The following PRDM5 variants were observed in gnomAD, a reference collection of about 807,000 sequenced individuals.
The protein encoded by PRDM5 is PR domain zinc finger protein 5.
PRDM5 carries 56 observed loss-of-function variants against 81.2 expected under a neutral mutation model. The observed-to-expected ratio is 0.69, with a 90% CI of 0.56 to 0.86. The LOEUF (loss-of-function observed/expected upper bound fraction) is 0.86. Ranked by LOEUF, PRDM5 falls within the 40% of genes least tolerant of loss-of-function variation. PRDM5 has a pLI of 0.00. For synonymous variants in PRDM5, 267 were observed against 256.4 expected (o/e 1.04, Z -0.39); for missense variants, 697 against 770.1 (o/e 0.91, Z 1.12).
intron 14 of PRDM5, among the ~76,000 whole-genome samples, chr4:120,714,257 T>C (rs982769677): frequency 1.3e-5 from 2 of 152,188 alleles, no homozygotes; most frequent in Non-Finnish European, 2.9e-5. Flanking sequence ...ACTTTTCTCA[T>C]TTGTTGTTGA....
intron 1 of PRDM5, among the ~76,000 whole-genome samples, chr4:120,907,930 T>G (rs1209417293): frequency 2.0e-5 from 3 of 152,188 alleles, no homozygotes; most frequent in Non-Finnish European, 2.9e-5. Flanking sequence ...AGGCAGAAAA[T>G]CACCTGGTTT....
intron 14 of PRDM5, among the ~76,000 whole-genome samples, chr4:120,715,499 T>C (rs1024037937): frequency 1.3e-5 from 2 of 152,188 alleles, no homozygotes; most frequent in Non-Finnish European, 2.9e-5. Context: ...ACATAATGTC[T>C]TTTCACAACT....
chr4:120,911,997 G>A (rs1389370205), intron 1 of PRDM5, among the ~76,000 whole-genome samples: 2 of 152,138 alleles, frequency 1.3e-5, no homozygotes, highest in Non-Finnish European at 2.9e-5. Context: ...AGAAATTGAT[G>A]ATGAAAAGCT....
intron 13 of PRDM5, among the ~76,000 whole-genome samples, chr4:120,774,976 G>A (rs548610052): frequency 5.2e-4 from 78 of 148,834 alleles, no homozygotes; most frequent in African/African-American, 1.7e-3. Flanking sequence ...ATATGTGTGT[G>A]TATATGTATA....
At chr4:120,814,811 C>G (rs559607710) in intron 7 of PRDM5, among the ~76,000 whole-genome samples, 2 of 152,178 alleles carry the variant, frequency 1.3e-5, no homozygotes, top group African/African-American at 4.8e-5. Context: ...CATGTACCAA[C>G]CCCAGCAAAA....
chr4:120,827,477 A>G (rs2149361313), intron 3 of PRDM5, among the ~76,000 whole-genome samples: 1 of 152,234 alleles, frequency 6.6e-6, no homozygotes, highest in East Asian at 1.9e-4. Flanking sequence ...TTATGCATCA[A>G]ATTAATCATT....
chr4:120,817,232 C>G lies in PRDM5; in HGVS notation c.651-308G>C, dbSNP rs184886955. Reference sequence around the variant, plus strand: ...AATAGAATTTCTAAATATGTAGTATCCTGCTATTATAAAAGTTTTGATATT... The same window carrying G: ...AATAGAATTTCTAAATATGTAGTATGCTGCTATTATAAAAGTTTTGATATT... On this transcript the variant is annotated intron_variant, in intron 5 of 15. Transcript: ENST00000264808. Among the ~76,000 whole-genome samples, 3 of 152,162 alleles carry G rather than the reference C, an allele frequency of 2.0e-5. No individual in the cohort carries two copies. In the East Asian group the frequency reaches 5.8e-4, roughly 29 times the overall value.
At chr4:120,770,781 GCA>G (rs1372173367) in intron 13 of PRDM5, among the ~76,000 whole-genome samples, 1 of 151,876 alleles carries the variant, frequency 6.6e-6, no homozygotes, top group East Asian at 1.9e-4. Flanking sequence ...AAGTATTTTA[GCA>G]CAAATCTTAT....
At chr4:120,838,000 C>T (rs926217362) in intron 3 of PRDM5, 83 of 152,172 alleles carry the variant, frequency 5.5e-4, no homozygotes, top group African/African-American at 1.9e-3. Context: ...CATAGACACA[C>T]TAGTCAAATG....
At chr4:120,921,789 C>T (rs907196630) in intron 1 of PRDM5, among the ~76,000 whole-genome samples, 1 of 152,126 alleles carries the variant, frequency 6.6e-6, no homozygotes, top group Non-Finnish European at 1.5e-5. Flanking sequence ...CCTGTACGAA[C>T]TGAGCAATGT....
intron 14 of PRDM5, among the ~76,000 whole-genome samples, chr4:120,726,318 A>G (rs1412833238): frequency 6.6e-6 from 1 of 152,240 alleles, no homozygotes; most frequent in Admixed American, 6.5e-5. Context: ...TCCTTGTTTT[A>G]ATTATATCCA....
chr4:120,850,671 A>G (rs1331433482), intron 3 of PRDM5, among the ~76,000 whole-genome samples: 1 of 152,128 alleles, frequency 6.6e-6, no homozygotes, highest in Admixed American at 6.6e-5. Context: ...ATTATAATTC[A>G]AGAGTGAAAT....
At chr4:120,870,294 T>C (rs1262840346) in intron 2 of PRDM5, among the ~76,000 whole-genome samples, 5 of 152,226 alleles carry the variant, frequency 3.3e-5, no homozygotes, top group Non-Finnish European at 4.4e-5. Context: ...AGTCTTCTAT[T>C]ACTCCAAAAA....
At chr4:120,864,849 C>T (rs764477919) in intron 2 of PRDM5, among the ~76,000 whole-genome samples, 1 of 152,120 alleles carries the variant, frequency 6.6e-6, no homozygotes, top group South Asian at 2.1e-4. Context: ...CAGAAGAGCC[C>T]GTACATCCAT....
At chr4:120,875,545 C>T (rs1762258021) in intron 2 of PRDM5, among the ~76,000 whole-genome samples, 1 of 152,190 alleles carries the variant, frequency 6.6e-6, no homozygotes, top group African/African-American at 2.4e-5. Flanking sequence ...CTCTGAGGAC[C>T]AGGTCAAGTC....
At chr4:120,755,242 C>G (rs1744564179) in intron 13 of PRDM5, among the ~76,000 whole-genome samples, 2 of 152,102 alleles carry the variant, frequency 1.3e-5, no homozygotes, top group African/African-American at 4.8e-5. Flanking sequence ...AAATGTTTTT[C>G]AAGACAAGCA....
chr4:120,800,516 CA>C (rs34793587), intron 8 of PRDM5, among the ~76,000 whole-genome samples: 7,624 of 121,814 alleles, frequency 0.063, 279 homozygotes, highest in Middle Eastern at 0.17. Flanking sequence ...GACTCGGTCT[CA>C]AAAAAAAAAA....
Position 120,816,547 on chromosome 4 carries a change from C to A in PRDM5, c.771G>T (p.Arg257=), listed in dbSNP as rs1561359713. The A allele has an allele frequency of 1.2e-6, 2 of 1,614,134 alleles. No homozygotes were observed. The highest frequency in any genetic ancestry group is 8.5e-7 in the Non-Finnish European group (1 of 1,180,014). ...CCTTGCACACAAACCTGGCATCCCCCCGGCAAGTCTCCTGGTGCTGCTCAA... is the reference window on the plus strand; with the variant it reads ...CCTTGCACACAAACCTGGCATCCCCACGGCAAGTCTCCTGGTGCTGCTCAA... ...SSFEQHQETC[R]GDARFVCKAD... Residue 257 remains arginine (R), a synonymous_variant, in exon 7 of 16, where the codon CGG becomes CGT. Coordinates refer to ENST00000264808, the MANE Select transcript of PRDM5 (RefSeq NM_018699.4).
chr4:120,826,715 G>A (rs1012627049), intron 3 of PRDM5, among the ~76,000 whole-genome samples: 1 of 152,126 alleles, frequency 6.6e-6, no homozygotes, highest in Non-Finnish European at 1.5e-5. Flanking sequence ...CACAGATAGT[G>A]GTGACTCGAT....
Sources: allele counts gnomAD v4.1 joint callset (sites outside exome capture counted in the v4.1 genomes callset), GRCh38; gene constraint gnomAD v4.1.1; transcripts MANE v1.5; gene names NCBI Gene and HGNC (gene_info 2026-07-23, HGNC 2026-07-21).